The following PDE4D variants were observed in gnomAD, a reference collection of about 807,000 sequenced individuals.
PDE4D encodes the protein phosphodiesterase 4D, also known as 3',5'-cyclic-AMP phosphodiesterase 4D.
Under a neutral mutation model 87.4 loss-of-function variants are expected in PDE4D, and 24 were observed. The observed-to-expected ratio is 0.27, with a 90% CI of 0.20 to 0.39. The LOEUF (loss-of-function observed/expected upper bound fraction) is 0.39, where lower values mean the gene tolerates loss of function less well. Among genes scored for constraint, PDE4D ranks in the 10% least tolerant of loss-of-function variants. The pLI is 1.00. For missense variants in PDE4D, 714 were observed against 1,041.0 expected, an observed-to-expected ratio of 0.69 and a Z score of 4.32; for synonymous variants, 384 against 383.2, an observed-to-expected ratio of 1.00 and a Z score of -0.02.
At chr5:59,731,691 T>C (rs1193105055) in intron 1 of PDE4D, among the ~76,000 whole-genome samples, 2 of 152,176 alleles carry the variant, frequency 1.3e-5, no homozygotes, top group African/African-American at 4.8e-5. Flanking sequence ...ACCGCCTTCT[T>C]CCTAAGTTTA....
At chr5:60,078,505 C>T (rs373447520) in intron 2 of PDE4D, among the ~76,000 whole-genome samples, 1 of 152,060 alleles carries the variant, frequency 6.6e-6, no homozygotes, top group East Asian at 1.9e-4. Context: ...TGGTTTTCTG[C>T]ACCTATTGAC....
chr5:59,518,473 G>A (rs528435962), intron 1 of PDE4D, among the ~76,000 whole-genome samples: 1 of 152,036 alleles, frequency 6.6e-6, no homozygotes, highest in Non-Finnish European at 1.5e-5. Context: ...CCAGGAGGAG[G>A]GGGGCAGGAC....
intron 5 of PDE4D, among the ~76,000 whole-genome samples, chr5:59,160,030 G>C (rs1285441759): frequency 6.6e-6 from 1 of 152,180 alleles, no homozygotes; most frequent in Non-Finnish European, 1.5e-5. Context: ...TGAGGAACCA[G>C]AGCCAGCAAA....
intron 1 of PDE4D, among the ~76,000 whole-genome samples, chr5:60,207,061 G>A (rs1022285692): frequency 3.9e-5 from 6 of 152,184 alleles, no homozygotes; most frequent in African/African-American, 1.4e-4. Context: ...TTACAGATAG[G>A]TCCATAAGGT....
intron 3 of PDE4D, among the ~76,000 whole-genome samples, chr5:59,985,903 T>C (rs942784467): frequency 2.0e-5 from 3 of 152,186 alleles, no homozygotes; most frequent in African/African-American, 7.2e-5. Flanking sequence ...TTGAAAAGAA[T>C]CCTCATATAA....
intron 5 of PDE4D, among the ~76,000 whole-genome samples, chr5:59,050,103 A>C (rs1343191635): frequency 2.6e-5 from 4 of 152,206 alleles, no homozygotes; most frequent in East Asian, 3.9e-4. Context: ...TCTCTACTAA[A>C]GAAAATACAA....
At position 59,725,820 on chromosome 5, in the gene PDE4D, T is replaced by C. The variant is rs1430971337; in HGVS notation, c.455+167348A>G. 3.5e-5 allele frequency among the ~76,000 whole-genome samples: 5 copies of C among 143,236 alleles called. No individual in the cohort carries two copies. The East Asian group carries it at 7.9e-4, about 23-fold the overall frequency. The allele number at this position is 143,236 out of a possible 152,430, so 94.0% of individuals were successfully genotyped here. ...AAACAAACTCCATAAACATTAAAGTTAGTTGTTTTTTTTCATATAAATAAC... is the reference window on the plus strand; with the variant it reads ...AAACAAACTCCATAAACATTAAAGTCAGTTGTTTTTTTTCATATAAATAAC... On this transcript the variant is annotated intron_variant, in intron 1 of 14. Coordinates refer to ENST00000340635, the MANE Select transcript of PDE4D (RefSeq NM_001104631.2).
At chr5:59,208,756 A>AT (rs1301516473) in intron 2 of PDE4D, among the ~76,000 whole-genome samples, 6 of 152,162 alleles carry the variant, frequency 3.9e-5, no homozygotes, top group Admixed American at 2.6e-4. Context: ...TGAAACTCCC[A>AT]TTTTTTTAAA....
At chr5:59,342,226 T>C (rs1252026069) in intron 1 of PDE4D, among the ~76,000 whole-genome samples, 3 of 152,216 alleles carry the variant, frequency 2.0e-5, no homozygotes, top group African/African-American at 7.2e-5. Context: ...GAAAGGAACT[T>C]TGTAAAGATA....
chr5:59,141,868 C>T (rs1036277213), intron 5 of PDE4D, among the ~76,000 whole-genome samples: 2 of 152,144 alleles, frequency 1.3e-5, no homozygotes, highest in African/African-American at 4.8e-5. Flanking sequence ...GCAGTTATAG[C>T]TTCAGGGGCT....
intron 1 of PDE4D, among the ~76,000 whole-genome samples, chr5:60,220,092 C>T (rs1241022022): frequency 6.6e-6 from 1 of 152,142 alleles, no homozygotes; most frequent in Non-Finnish European, 1.5e-5. Context: ...ATCATTGCTT[C>T]AGGCCTATGT....
chr5:60,044,233 TTGTA>T (rs369692433), intron 2 of PDE4D, among the ~76,000 whole-genome samples: 196 of 152,274 alleles, frequency 1.3e-3, no homozygotes, highest in African/African-American at 4.5e-3. Flanking sequence ...TTATTATATA[TTGTA>T]TGTATCAAAA....
chr5:59,543,658 G>A (rs1488457036), intron 1 of PDE4D, among the ~76,000 whole-genome samples: 3 of 152,060 alleles, frequency 2.0e-5, no homozygotes, highest in Admixed American at 1.3e-4. Flanking sequence ...CCTTCCCAGT[G>A]GTCACAAGTC....
chr5:58,975,549 AAAGT>A lies in PDE4D; in HGVS notation c.2013+104_2013+107del. ...AGGTGAAATTGAGCTTGTCAAAAAC[AAAGT>A]AATTTTAAAAATCCAGTAAAATACT... On this transcript the variant is annotated intron_variant, in intron 14 of 14. Coordinates refer to ENST00000340635, the MANE Select transcript of PDE4D (RefSeq NM_001104631.2). The surrounding 1 kb of genome is among the most constrained non-coding windows in gnomAD (Gnocchi z 4.2). The A allele has an allele frequency of 2.2e-6, 2 of 895,154 alleles. No homozygotes were observed. Among genetic ancestry groups the A allele is most frequent in the South Asian group, 6.9e-5 (2 of 28,898 alleles). 55.5% of individuals were successfully genotyped at this position (895,154 alleles called of 1,614,324 possible).
chr5:59,969,007 A>G (rs1760398759), intron 3 of PDE4D, among the ~76,000 whole-genome samples: 2 of 144,006 alleles, frequency 1.4e-5, no homozygotes, highest in Non-Finnish European at 3.1e-5. Flanking sequence ...CCCCCGAAAA[A>G]AAGAGAAGCA....
At chr5:60,090,061 G>C (rs1381469281) in intron 2 of PDE4D, among the ~76,000 whole-genome samples, 2 of 152,064 alleles carry the variant, frequency 1.3e-5, no homozygotes, top group African/African-American at 4.8e-5. Context: ...GGATCTGACA[G>C]CTTCACTGCT....
intron 1 of PDE4D, among the ~76,000 whole-genome samples, chr5:59,757,879 C>T (rs1310183970): frequency 6.6e-6 from 1 of 152,168 alleles, no homozygotes; most frequent in South Asian, 2.1e-4. Flanking sequence ...ATTTCTCCTA[C>T]ACACACATAT....
At chr5:60,105,240 T>C (rs1776747542) in intron 2 of PDE4D, among the ~76,000 whole-genome samples, 1 of 152,078 alleles carries the variant, frequency 6.6e-6, no homozygotes, top group South Asian at 2.1e-4. Flanking sequence ...GCCAATGCGA[T>C]CAACTGGAAG....
In PDE4D at chr5:59,080,131, C is replaced by G. The variant is rs544403812; in HGVS notation, c.809-41160G>C. Among the ~76,000 whole-genome samples, 47 of 152,302 alleles carry G rather than the reference C, an allele frequency of 3.1e-4. No individual in the cohort carries two copies. In the South Asian group the frequency reaches 9.7e-3, roughly 32 times the overall value. ...GATTGCCTCAGAGCCTGCATTATCT[C>G]AAGCTACTGACCTAATTGCTAATGC... On this transcript the variant is annotated intron_variant, in intron 5 of 14. Coordinates refer to ENST00000340635, the MANE Select transcript of PDE4D (RefSeq NM_001104631.2).
Sources: gnomAD v4.1 joint callset for allele counts (sites outside exome capture counted in the v4.1 genomes callset) on GRCh38, gnomAD v4.1.1 for gene constraint, Gnocchi (gnomAD v3.1) non-coding constraint, MANE v1.5 for transcripts, NCBI Gene and HGNC (gene_info 2026-07-23, HGNC 2026-07-21) for gene names.